LTBP2: variants seen among roughly 807,000 people sequenced by gnomAD.
LTBP2 encodes latent transforming growth factor beta binding protein 2.
A neutral mutation model predicts 210.6 loss-of-function variants in LTBP2; 103 were observed. The observed-to-expected ratio is 0.49, with a 90% CI of 0.42 to 0.58. LTBP2 has a LOEUF of 0.58. Among genes scored for constraint, LTBP2 ranks in the 20% least tolerant of loss-of-function variants. The pLI, the probability that LTBP2 is intolerant of heterozygous loss-of-function variation, is 0.00. For synonymous variants in LTBP2, 1,007 were observed against 1,015.0 expected, an observed-to-expected ratio of 0.99 and a Z score of 0.15; for missense variants, 2,313 against 2,494.5, an observed-to-expected ratio of 0.93 and a Z score of 1.55.
At chr14:74,598,440 T>G (rs976847582) in intron 2 of LTBP2, among the ~76,000 whole-genome samples, 1 of 152,246 alleles carries the variant, frequency 6.6e-6, no homozygotes, top group Admixed American at 6.5e-5. Flanking sequence ...GAAAGGGCTC[T>G]CTCAGGCACA....
In LTBP2 at chr14:74,522,826, C is replaced by G; in HGVS notation, c.2623G>C (p.Gly875Arg). 6.2e-7 allele frequency: 1 copy of G among 1,612,008 alleles called. No individual in the cohort carries two copies. ...GCCTGGCTGGGGTGCAGCTGGTAGC[C>G]AGGGCTGCAGACACATCTGTATCCA... is the stretch of plus-strand genomic sequence containing the variant. ...PDGYRCVCSP[G>R]YQLHPSQAYC... The change falls in exon 16 of 36, where the codon GGC becomes CGC. Residue 875 changes from glycine (G) to arginine (R), a missense_variant. Gly to Arg is a moderately radical substitution (Grantham distance 125). Transcript: ENST00000261978.
At chr14:74,601,727 C>G (rs1347999760) in intron 2 of LTBP2, among the ~76,000 whole-genome samples, 1 of 152,186 alleles carries the variant, frequency 6.6e-6, no homozygotes, top group Non-Finnish European at 1.5e-5. Context: ...CGCATCCCAT[C>G]AAGTGGGGTG....
chr14:74,507,229 A>G lies in LTBP2; in HGVS notation c.3857T>C (p.Val1286Ala), dbSNP rs376816374. The G allele has an allele frequency of 2.9e-5, 47 of 1,614,036 alleles. No individual in the cohort carries two copies. The highest frequency in any genetic ancestry group is 4.2e-6 in the Non-Finnish European group (5 of 1,180,020). Reference protein sequence around the residue: ...CENSPGSYRCVLGCQPGFHMA... With the variant: ...CENSPGSYRCALGCQPGFHMA... ...GTGGAAGCCAGGCTGGCAGCCCAGA[A>G]CACAGCGGTAGGAGCCAGGGCTGTT... Residue 1286 changes from valine to alanine, a missense_variant, in exon 26 of 36, where the codon GTT (valine) becomes GCT (alanine). By Grantham distance (64) the Val-to-Ala change is moderately conservative. This residue lies in a region of LTBP2 where 1,867 missense variants were observed against 1,976.9 expected (regional missense o/e 0.94). Coordinates refer to ENST00000261978, the MANE Select transcript of LTBP2 (RefSeq NM_000428.3).
chr14:74,520,746 A>G (rs1169380694), intron 17 of LTBP2, among the ~76,000 whole-genome samples: 3 of 152,224 alleles, frequency 2.0e-5, no homozygotes, highest in Non-Finnish European at 2.9e-5. Context: ...GGTTACAGTG[A>G]GCCAAGATTG....
In LTBP2 at chr14:74,586,083, A is replaced by C. The variant is rs1468844013; in HGVS notation, c.601T>G (p.Cys201Gly). 1 of 1,600,576 alleles carries C rather than the reference A, an allele frequency of 6.2e-7. No individual in the cohort carries two copies. Among genetic ancestry groups the C allele is most frequent in the African/African-American group, 1.3e-5 (1 of 74,896 alleles). Residue 201 changes from cysteine to glycine, a missense_variant, in exon 3 of 36, where the codon TGC becomes GGC. Transcript: ENST00000261978. The surrounding 1 kb of genome is among the most constrained non-coding windows in gnomAD (Gnocchi z 4.6). ...CEPPCQNRGS[C>G]SRPQLCVCRS... ...CAGACACAGAGCTGCGGGCGGCTGC[A>C]GGAGCCCCGGTTCTGGCACGGCGGC...
chr14:74,572,118 CAGAT>C (rs1229481340), intron 3 of LTBP2, among the ~76,000 whole-genome samples: 1 of 152,146 alleles, frequency 6.6e-6, no homozygotes, highest in African/African-American at 2.4e-5. Context: ...CATCTGCAGA[CAGAT>C]AGACACAGAC....
intron 15 of LTBP2, among the ~76,000 whole-genome samples, 170 bp downstream of exon 15, chr14:74,524,954 T>C (rs957868381): frequency 6.6e-6 from 1 of 152,186 alleles, no homozygotes; most frequent in Admixed American, 6.5e-5. Context: ...CTGTGTTCTT[T>C]GTAAGATGAG....
Position 74,511,233 on chromosome 14 carries a change from A to T in LTBP2, c.3028+12T>A. ...GAATGGCTGGCTCAGTGCCTTGGCC[A>T]GCAGCCCTCACCTACACAGCTCCCA... On this transcript the variant is annotated intron_variant, in intron 19 of 35. Coordinates refer to ENST00000261978, the MANE Select transcript of LTBP2 (RefSeq NM_000428.3). 1 of 1,613,738 alleles carries T rather than the reference A, an allele frequency of 6.2e-7. No homozygotes were observed. The highest frequency in any genetic ancestry group is 8.5e-7 in the Non-Finnish European group (1 of 1,179,962).
At chr14:74,608,263 T>C (rs970475110) in intron 1 of LTBP2, among the ~76,000 whole-genome samples, 5 of 152,166 alleles carry the variant, frequency 3.3e-5, no homozygotes, top group African/African-American at 1.2e-4. Flanking sequence ...TTTTAGTGCA[T>C]TTATAAAACT....
intron 2 of LTBP2, among the ~76,000 whole-genome samples, chr14:74,595,765 C>T (rs2088351690): frequency 6.6e-6 from 1 of 152,220 alleles, no homozygotes; most frequent in African/African-American, 2.4e-5. Context: ...GTTTCATCAC[C>T]TCTGTGAGCC....
At chr14:74,525,915 G>C (rs2087266122) in intron 14 of LTBP2, among the ~76,000 whole-genome samples, 160 bp downstream of exon 14, 1 of 152,228 alleles carries the variant, frequency 6.6e-6, no homozygotes, top group African/African-American at 2.4e-5. Context: ...TAGGTGTATA[G>C]AGAGCTCCCA....
At chr14:74,523,355 G>T (rs1317283617) in intron 15 of LTBP2, among the ~76,000 whole-genome samples, 2 of 152,092 alleles carry the variant, frequency 1.3e-5, no homozygotes, top group Admixed American at 6.5e-5. Flanking sequence ...AAATGGGAGG[G>T]GTGGACTGGG....
At chr14:74,538,924 G>A (rs1228791094) in intron 8 of LTBP2, among the ~76,000 whole-genome samples, 5 of 152,196 alleles carry the variant, frequency 3.3e-5, no homozygotes, top group African/African-American at 7.2e-5. Flanking sequence ...CGTCCCTGGC[G>A]TGGGGCCTGG....
intron 3 of LTBP2, among the ~76,000 whole-genome samples, chr14:74,573,758 G>A (rs974196947): frequency 1.2e-4 from 19 of 152,064 alleles, no homozygotes; most frequent in African/African-American, 4.3e-4. Flanking sequence ...AACTCTAACT[G>A]ACCCAGACAA....
At chr14:74,541,807 T>C (rs138100280) in intron 8 of LTBP2, among the ~76,000 whole-genome samples, 1 of 151,528 alleles carries the variant, frequency 6.6e-6, no homozygotes, top group Non-Finnish European at 1.5e-5. Flanking sequence ...TCAGAAGAAC[T>C]GATCAGATGC....
intron 17 of LTBP2, among the ~76,000 whole-genome samples, chr14:74,520,056 C>T (rs537084508): frequency 3.3e-5 from 5 of 152,342 alleles, no homozygotes; most frequent in South Asian, 4.1e-4. Flanking sequence ...AGTGTCCAAG[C>T]GCTTCAGCCT....
In LTBP2 at chr14:74,585,895, T is replaced by C; in HGVS notation, c.789A>G (p.Pro263=). 3 of 1,612,870 alleles carry C rather than the reference T, an allele frequency of 1.9e-6. No individual in the cohort carries two copies. Among genetic ancestry groups the C allele is most frequent in the Non-Finnish European group, 8.5e-7 (1 of 1,179,900 alleles). ...GTGGTGCGGGCGGCGACTGTGGTGC[T>C]GGCGGCTGTGCTCTGGCCAAGGTGC... is the stretch of plus-strand genomic sequence containing the variant. ...GEGTLARAQP[P]APQSPPAPQS... Residue 263 remains proline (P), a synonymous_variant, in exon 3 of 36, where the codon CCA becomes CCG. Transcript: ENST00000261978.
At chr14:74,600,880 A>G (rs1197017040) in intron 2 of LTBP2, among the ~76,000 whole-genome samples, 1 of 152,212 alleles carries the variant, frequency 6.6e-6, no homozygotes, top group Non-Finnish European at 1.5e-5. Flanking sequence ...GGAGCTGGTT[A>G]GAACATAGAA....
chr14:74,548,887 T>TTTAA (rs1239979173), intron 8 of LTBP2, among the ~76,000 whole-genome samples: 12 of 152,206 alleles, frequency 7.9e-5, no homozygotes, highest in Admixed American at 7.9e-4. Context: ...GTGTTAGACA[T>TTTAA]TTAAGCCTGG....
Sources: gnomAD v4.1 joint callset for allele counts (sites outside exome capture counted in the v4.1 genomes callset) on GRCh38, gnomAD v4.1.1 for gene constraint, gnomAD v4.1.1 regional missense constraint, Gnocchi (gnomAD v3.1) non-coding constraint, MANE v1.5 for transcripts, NCBI Gene and HGNC (gene_info 2026-07-23, HGNC 2026-07-21) for gene names.